TECPR2: variants seen among roughly 807,000 people sequenced by gnomAD.
TECPR2 encodes tectonin beta-propeller repeat-containing protein 2.
TECPR2 carries 65 observed loss-of-function variants against 138.1 expected under a neutral mutation model. The observed-to-expected ratio is 0.47, with a 90% confidence interval of 0.39 to 0.58. The LOEUF is 0.58. Among genes scored for constraint, TECPR2 ranks in the 20% least tolerant of loss-of-function variants. TECPR2 has a pLI of 0.00. For missense variants in TECPR2, 1,553 were observed against 1,824.5 expected, an observed-to-expected ratio of 0.85 and a Z score of 2.71; for synonymous variants, 746 against 749.8, an observed-to-expected ratio of 0.99 and a Z score of 0.08.
At position 102,428,261 on chromosome 14, in the gene TECPR2, T is replaced by A. The variant is rs1442212119; in HGVS notation, c.963T>A (p.Ala321=). The A allele has an allele frequency of 7.2e-7, 1 of 1,383,856 alleles. No homozygotes were observed. The highest frequency in any genetic ancestry group is 9.8e-7 in the Non-Finnish European group (1 of 1,022,138). 85.7% of individuals were successfully genotyped at this position (1,383,856 alleles called of 1,614,324 possible). Reference sequence around the variant, plus strand: ...TTTTTTTTTGACAGGCCACAGTTGCTGGTTTGGAAGGATCCGGTGATATTG... The same window carrying A: ...TTTTTTTTTGACAGGCCACAGTTGCAGGTTTGGAAGGATCCGGTGATATTG... ...LLDTVNQATV[A]GLEGSGDIVS... is the part of the protein sequence containing the mutation. Residue 321 remains alanine, a synonymous_variant, in exon 7 of 20, where the codon GCT becomes GCA. Coordinates refer to ENST00000359520, the MANE Select transcript of TECPR2 (RefSeq NM_014844.5).
intron 13 of TECPR2, 60 bp downstream of exon 13, chr14:102,446,007 TCTTA>T (rs888799171): frequency 4.6e-6 from 7 of 1,535,144 alleles, no homozygotes; most frequent in Non-Finnish European, 6.2e-6. Context: ...CTTCCCCTTT[TCTTA>T]CTTCTCTCTT....
chr14:102,410,210 G>T (rs566699377), intron 4 of TECPR2, among the ~76,000 whole-genome samples: 1 of 152,142 alleles, frequency 6.6e-6, no homozygotes, highest in Non-Finnish European at 1.5e-5. Context: ...TTCAAAACAG[G>T]TGAGAAGAGT....
At chr14:102,412,122 ACTT>A (rs1888890405) in intron 4 of TECPR2, among the ~76,000 whole-genome samples, 1 of 131,786 alleles carries the variant, frequency 7.6e-6, no homozygotes, top group South Asian at 2.4e-4. Context: ...AAATGTTGAC[ACTT>A]TTTTTTTTTT....
rs546367563 is a variant in TECPR2 at position 102,430,065 on chromosome 14, C to T, written c.1084+1683C>T. 3.2e-3 allele frequency among the ~76,000 whole-genome samples: 485 copies of T among 152,200 alleles called. 4 individuals carry two copies. Among genetic ancestry groups the T allele is most frequent in the African/African-American group, 0.011 (473 of 41,520 alleles). On this transcript the variant is annotated intron_variant, in intron 7 of 19. Coordinates refer to ENST00000359520, the MANE Select transcript of TECPR2 (RefSeq NM_014844.5). The stretch of plus-strand genomic sequence containing the variant: ...CACTGCAACCTCCACCTCCTGGGTT[C>T]AAACGATTCTCCTGCCTTAGCCTCC...
intron 1 of TECPR2, among the ~76,000 whole-genome samples, chr14:102,363,880 C>T (rs1887267644): frequency 6.6e-6 from 1 of 152,196 alleles, no homozygotes; most frequent in Non-Finnish European, 1.5e-5. Flanking sequence ...AGGGGAGCCC[C>T]TGCTGTCATC....
intron 17 of TECPR2, among the ~76,000 whole-genome samples, chr14:102,478,909 CG>C (rs1292606712): frequency 1.3e-5 from 2 of 149,588 alleles, no homozygotes; most frequent in African/African-American, 4.9e-5. Flanking sequence ...TTCAGCTACT[CG>C]GGAGGCTGAG....
At chr14:102,404,782 C>T (rs1888609959) in intron 2 of TECPR2, among the ~76,000 whole-genome samples, 1 of 151,668 alleles carries the variant, frequency 6.6e-6, no homozygotes, top group Non-Finnish European at 1.5e-5. Flanking sequence ...TCGTGTTAGC[C>T]AGGCTGGTCT....
intron 17 of TECPR2, among the ~76,000 whole-genome samples, chr14:102,467,326 T>TC (rs1323602228): frequency 6.7e-6 from 1 of 150,058 alleles, no homozygotes; most frequent in Non-Finnish European, 1.5e-5. Flanking sequence ...CCAATTTTTT[T>TC]TTTTTTTTTT....
intron 17 of TECPR2, among the ~76,000 whole-genome samples, chr14:102,470,858 G>A (rs368972887): frequency 3.5e-5 from 5 of 143,828 alleles, no homozygotes; most frequent in African/African-American, 1.0e-4. Flanking sequence ...TCGCTCTGTC[G>A]CCCAGGCTGG....
At chr14:102,391,876 T>C (rs1475346965) in intron 2 of TECPR2, among the ~76,000 whole-genome samples, 1 of 152,240 alleles carries the variant, frequency 6.6e-6, no homozygotes, top group African/African-American at 2.4e-5. Flanking sequence ...CTTCTGAGGA[T>C]ATGTCTTTGG....
At chr14:102,414,872 C>A (rs1888978375) in intron 5 of TECPR2, 79 bp downstream of exon 5, 2 of 1,548,128 alleles carry the variant, frequency 1.3e-6, no homozygotes, top group Admixed American at 1.9e-5. Context: ...CTTAGGTCTC[C>A]TGTTTGCCGG....
chr14:102,449,742 T>G lies in TECPR2; in HGVS notation c.3189T>G (p.Asp1063Glu). ...AAGCCCCCGTAGAAAAGGTGGCAGA[T>G]AAGCTGCGCATGGCGTTTTGGTCCC... ...AAQAPVEKVA[D>E]KLRMAFWSQQ... Residue 1063 changes from aspartate (D) to glutamate (E), a missense_variant, in exon 14 of 20, where the codon GAT becomes GAG. Coordinates refer to ENST00000359520, the MANE Select transcript of TECPR2 (RefSeq NM_014844.5). The G allele has an allele frequency of 6.2e-7, 1 of 1,614,184 alleles. No homozygotes were observed.
At chr14:102,449,298 G>A (rs929925203) in intron 13 of TECPR2, among the ~76,000 whole-genome samples, 8 of 152,234 alleles carry the variant, frequency 5.3e-5, no homozygotes, top group Non-Finnish European at 8.8e-5. Flanking sequence ...AGTCTTCTTA[G>A]AAGGGGTGTG....
intron 13 of TECPR2, 140 bp from the exon 14 acceptor site, chr14:102,449,489 G>A (rs780155036): frequency 3.7e-6 from 5 of 1,365,088 alleles, no homozygotes; most frequent in Non-Finnish European, 5.0e-6. Flanking sequence ...AAGCGCACAC[G>A]TGCACATTTG....
At chr14:102,423,599 A>G (rs920977468) in intron 5 of TECPR2, among the ~76,000 whole-genome samples, 1 of 152,050 alleles carries the variant, frequency 6.6e-6, no homozygotes, top group Non-Finnish European at 1.5e-5. Flanking sequence ...GGGCTAGACT[A>G]TGTGGGTGTG....
At chr14:102,452,306 G>A in intron 15 of TECPR2, 88 bp from the exon 16 acceptor site, 1 of 1,368,862 alleles carries the variant, frequency 7.3e-7, no homozygotes, top group East Asian at 2.4e-5. Flanking sequence ...GCTAGCGTCT[G>A]CTGAAAGGCA....
At position 102,483,958 on chromosome 14, in the gene TECPR2, G is replaced by A. The variant is rs1890958948; in HGVS notation, c.3790-13021G>A. Among the ~76,000 whole-genome samples the A allele has an allele frequency of 1.3e-4, 6 of 45,116 alleles. 1 individual carries two copies. Among genetic ancestry groups the A allele is most frequent in the South Asian group, 9.9e-4 (1 of 1,012 alleles). 29.6% of individuals were successfully genotyped at this position (45,116 alleles called of 152,430 possible). A position where few individuals can be genotyped will look rare whatever the true frequency, so the allele number is the denominator to read the frequency against. ...ATTATAGGCACCTGCCACCATGCCT[G>A]GCTGATTCTTATATTTTCAGTAGAG... On this transcript the variant is annotated intron_variant, in intron 17 of 19. Transcript: ENST00000359520.
At chr14:102,390,640 C>T (rs1888143936) in intron 2 of TECPR2, among the ~76,000 whole-genome samples, 1 of 152,050 alleles carries the variant, frequency 6.6e-6, no homozygotes, top group Admixed American at 6.6e-5. Context: ...AGCTGTGATC[C>T]CGCTGGTGTG....
chr14:102,424,152 C>T (rs1442191573), intron 5 of TECPR2, among the ~76,000 whole-genome samples: 1 of 152,170 alleles, frequency 6.6e-6, no homozygotes, highest in African/African-American at 2.4e-5. Context: ...CTAAATGGTA[C>T]AGCATATTGC....
Sources: gnomAD v4.1 joint callset for allele counts (sites outside exome capture counted in the v4.1 genomes callset) on GRCh38, gnomAD v4.1.1 for gene constraint, MANE v1.5 for transcripts, NCBI Gene and HGNC (gene_info 2026-07-23, HGNC 2026-07-21) for gene names.